The following VPS13B variants were observed in gnomAD, a reference collection of about 807,000 sequenced individuals.
VPS13B encodes vacuolar protein sorting 13 homolog B, also known as intermembrane lipid transfer protein VPS13B.
A neutral mutation model predicts 426.4 loss-of-function variants in VPS13B; 285 were observed. That is an observed-to-expected ratio of 0.67 (90% CI 0.61 to 0.74). The LOEUF (loss-of-function observed/expected upper bound fraction) is 0.74. Ranked by LOEUF, VPS13B falls within the 30% of genes least tolerant of loss-of-function variation. The probability of loss-of-function intolerance (pLI) is 0.00; values close to 1 mark genes in which losing one functional copy is unlikely to be tolerated. For synonymous variants in VPS13B, 1,676 were observed against 1,676.4 expected (o/e 1.00, Z 0.01); for missense variants, 4,537 against 4,782.6 (o/e 0.95, Z 1.51).
intron 40 of VPS13B, among the ~76,000 whole-genome samples, chr8:99,771,217 T>A (rs1227687616): frequency 6.6e-6 from 1 of 152,236 alleles, no homozygotes; most frequent in Non-Finnish European, 1.5e-5. Context: ...TGTTAAACTC[T>A]TGATCTGTGC....
At chr8:99,222,900 G>C (rs575747743) in intron 17 of VPS13B, among the ~76,000 whole-genome samples, 43 of 152,278 alleles carry the variant, frequency 2.8e-4, no homozygotes, top group African/African-American at 9.9e-4. Flanking sequence ...GCAGTGGCAT[G>C]ATCTCGGCTT....
intron 2 of VPS13B, among the ~76,000 whole-genome samples, chr8:99,014,149 G>C: frequency 9.2e-6 from 1 of 109,152 alleles, no homozygotes; most frequent in Admixed American, 1.3e-4. Context: ...ATGGAGTCTC[G>C]CTTTGTCGCC....
chr8:99,827,386 G>A (rs916712845), intron 51 of VPS13B, among the ~76,000 whole-genome samples: 3 of 152,024 alleles, frequency 2.0e-5, no homozygotes, highest in Non-Finnish European at 4.4e-5. Flanking sequence ...TCTGATGGTA[G>A]TTTGTATTTC....
chr8:99,274,074 C>A, intron 17 of VPS13B, 124 bp from the exon 18 acceptor site: 2 of 1,361,084 alleles, frequency 1.5e-6, no homozygotes, highest in South Asian at 1.2e-5. Context: ...AAACCTAACA[C>A]AAATACTGTA....
chr8:99,556,478 G>T lies in VPS13B; in HGVS notation c.4774G>T (p.Asp1592Tyr), dbSNP rs1254659705. The T allele has an allele frequency of 6.2e-7, 1 of 1,612,848 alleles. No homozygotes were observed. Among genetic ancestry groups the T allele is most frequent in the Admixed American group, 1.7e-5 (1 of 59,838 alleles). The change falls in exon 31 of 62, where the codon GAT becomes TAT. Residue 1592 changes from aspartate (D) to tyrosine (Y), a missense_variant. Physicochemically the swap from Asp to Tyr is radical, Grantham distance 160 (BLOSUM62 -3). Around this residue, in one of 2 missense-constraint regions of VPS13B, gnomAD observed 4,311 missense variants for 4,474.3 expected, o/e 0.96. Transcript: ENST00000357162. ...QRALNLGILR[D>Y]PGSEIEDRQY... ...AGCCTTGAACTTAGGAATTCTTCGA[G>T]ATCCTGGATCAGAAATCGAAGACAG...
chr8:99,842,685 T>C (rs1018124006), intron 54 of VPS13B, among the ~76,000 whole-genome samples: 2 of 152,222 alleles, frequency 1.3e-5, no homozygotes, highest in Non-Finnish European at 2.9e-5. Context: ...TTAGTAAAAT[T>C]GTTATAATTC....
At chr8:99,068,000 T>C (rs956429429) in intron 3 of VPS13B, among the ~76,000 whole-genome samples, 2 of 152,218 alleles carry the variant, frequency 1.3e-5, no homozygotes, top group Non-Finnish European at 2.9e-5. Context: ...CGCCTTTTAC[T>C]TTTGCATATG....
rs562706349 is a variant in VPS13B at position 99,593,302 on chromosome 8, G to A, written c.5220+15669G>A. Among the ~76,000 whole-genome samples, 17 of 152,010 alleles carry A rather than the reference G, an allele frequency of 1.1e-4. No homozygotes were observed. In the South Asian group the frequency reaches 3.5e-3, roughly 32 times the overall value. On this transcript the variant is annotated intron_variant, in intron 33 of 61. Transcript: ENST00000357162. ...AGACATACATGTGGTCAAGGAACAT[G>A]AAAAAAAGCTCAGGATCACTGATCA...
At chr8:99,087,924 C>G (rs573854088) in intron 3 of VPS13B, among the ~76,000 whole-genome samples, 2 of 151,966 alleles carry the variant, frequency 1.3e-5, no homozygotes, top group African/African-American at 2.4e-5. Context: ...TGGCTCATGT[C>G]GGTAAACCCA....
chr8:99,696,342 G>A (rs1029815926), intron 35 of VPS13B: 10 of 272,776 alleles, frequency 3.7e-5, no homozygotes, highest in Middle Eastern at 9.1e-4. Flanking sequence ...AGCTGGATGA[G>A]CTGAAGCGCT....
chr8:99,139,731 C>G (rs150548287), intron 12 of VPS13B, among the ~76,000 whole-genome samples: 2,131 of 151,970 alleles, frequency 0.014, 50 homozygotes, highest in African/African-American at 0.047. Context: ...GCCACTGCGC[C>G]CGGCCCTCTG....
intron 34 of VPS13B, among the ~76,000 whole-genome samples, chr8:99,657,089 T>C (rs1830045484): frequency 6.6e-6 from 1 of 152,190 alleles, no homozygotes; most frequent in African/African-American, 2.4e-5. Flanking sequence ...ATTTCTAACT[T>C]CTCCTGTGCT....
chr8:99,352,748 C>T (rs1371233211), intron 19 of VPS13B, among the ~76,000 whole-genome samples: 3 of 151,282 alleles, frequency 2.0e-5, no homozygotes, highest in Admixed American at 1.3e-4. Flanking sequence ...CGCTTGAACC[C>T]GGGAGGCGGA....
chr8:99,166,876 AG>A (rs1421239340), intron 15 of VPS13B, among the ~76,000 whole-genome samples: 1 of 152,232 alleles, frequency 6.6e-6, no homozygotes, highest in Admixed American at 6.5e-5. Flanking sequence ...ATAGACCCGT[AG>A]AAAAGAATGC....
intron 16 of VPS13B, among the ~76,000 whole-genome samples, chr8:99,186,267 A>G (rs1270552794): frequency 1.3e-5 from 2 of 152,108 alleles, no homozygotes; most frequent in African/African-American, 2.4e-5. Context: ...ATGAATTTAT[A>G]TTGAACTATT....
At chr8:99,551,623 T>G (rs1824289003) in intron 30 of VPS13B, among the ~76,000 whole-genome samples, 1 of 152,020 alleles carries the variant, frequency 6.6e-6, no homozygotes, top group Admixed American at 6.6e-5. Context: ...TAGTGGCTAC[T>G]CTGGCTATGT....
intron 23 of VPS13B, among the ~76,000 whole-genome samples, chr8:99,454,882 G>C (rs78329165): frequency 6.6e-6 from 1 of 152,222 alleles, no homozygotes; most frequent in South Asian, 2.1e-4. Flanking sequence ...GACATGTTCT[G>C]TGAAGCATCT....
chr8:99,116,201 A>ATT lies in VPS13B; in HGVS notation c.937+338_937+339dup, dbSNP rs5893479. On this transcript the variant is annotated intron_variant, in intron 7 of 61. Transcript: ENST00000357162. ...CATCACCACGCCTGTGTAATTTTGT[A>ATT]TTTTTTTTTTTTAGTAGAGATGGGT... Among the ~76,000 whole-genome samples the ATT allele has an allele frequency of 1.7e-3, 252 of 146,182 alleles. 1 individual carries two copies. The highest frequency in any genetic ancestry group is 2.6e-3 in the Non-Finnish European group (170 of 66,548).
At chr8:99,631,081 A>T (rs1828825811) in intron 33 of VPS13B, among the ~76,000 whole-genome samples, 1 of 152,160 alleles carries the variant, frequency 6.6e-6, no homozygotes, top group Admixed American at 6.6e-5. Flanking sequence ...ATAATGGGGC[A>T]TCCAAATGCT....
Sources: allele counts gnomAD v4.1 joint callset (sites outside exome capture counted in the v4.1 genomes callset), GRCh38; gene constraint gnomAD v4.1.1; regional missense constraint gnomAD v4.1.1; transcripts MANE v1.5; gene names NCBI Gene and HGNC (gene_info 2026-07-23, HGNC 2026-07-21).